The following THRB variants were observed in gnomAD, a reference collection of about 807,000 sequenced individuals.
The protein encoded by THRB is thyroid hormone receptor beta, also known as nuclear receptor subfamily 1 group A member 2.
In THRB, 12 loss-of-function variants were observed where a neutral mutation model predicts 47.8. The observed-to-expected ratio is 0.25, with a 90% CI of 0.16 to 0.41. The LOEUF (loss-of-function observed/expected upper bound fraction) is 0.41, where lower values mean the gene tolerates loss of function less well. Among genes scored for constraint, THRB ranks in the 10% least tolerant of loss-of-function variants. The pLI is 1.00. For missense variants in THRB, 348 were observed against 589.2 expected (o/e 0.59, Z 4.24); for synonymous variants, 218 against 212.2 (o/e 1.03, Z -0.24).
intron 1 of THRB, among the ~76,000 whole-genome samples, chr3:24,468,813 C>A (rs1319035257): frequency 1.3e-5 from 2 of 152,186 alleles, no homozygotes; most frequent in Non-Finnish European, 2.9e-5. Flanking sequence ...GATAAGTGAG[C>A]ATATGCTATT....
intron 3 of THRB, among the ~76,000 whole-genome samples, chr3:24,266,719 T>C (rs1317881929): frequency 1.3e-5 from 2 of 152,002 alleles, no homozygotes; most frequent in Non-Finnish European, 2.9e-5. Context: ...GTCCACAAAA[T>C]GTACTCAGTG....
intron 3 of THRB, among the ~76,000 whole-genome samples, chr3:24,295,571 TG>T (rs917355228): frequency 1.3e-5 from 2 of 152,264 alleles, no homozygotes; most frequent in Non-Finnish European, 2.9e-5. Context: ...AGGAGTTTTT[TG>T]CTTGCAAATT....
chr3:24,374,299 CTT>C (rs1213465422), intron 1 of THRB, among the ~76,000 whole-genome samples: 1 of 151,998 alleles, frequency 6.6e-6, no homozygotes, highest in Non-Finnish European at 1.5e-5. Context: ...TAAAGACAGA[CTT>C]ATACTCAAGA....
intron 4 of THRB, among the ~76,000 whole-genome samples, chr3:24,215,093 T>C (rs1002156147): frequency 1.3e-5 from 2 of 152,184 alleles, no homozygotes; most frequent in African/African-American, 4.8e-5. Flanking sequence ...ACAGCTTAGC[T>C]ATAGAGGGCA....
At chr3:24,413,403 G>A (rs543149449) in intron 1 of THRB, among the ~76,000 whole-genome samples, 2 of 151,294 alleles carry the variant, frequency 1.3e-5, no homozygotes, top group African/African-American at 4.8e-5. Flanking sequence ...AAATTCTTTG[G>A]GGATTAAAAA....
chr3:24,296,626 A>G (rs771875997), intron 3 of THRB, among the ~76,000 whole-genome samples: 3 of 152,226 alleles, frequency 2.0e-5, no homozygotes, highest in Admixed American at 6.5e-5. Flanking sequence ...GTACAGGAAC[A>G]AAAGTGCTGT....
At position 24,121,942 on chromosome 3, in the gene THRB, T is replaced by C. The variant is rs1253946349; in HGVS notation, c.*942A>G. 1 of 152,584 alleles carries C rather than the reference T, an allele frequency of 6.6e-6. No homozygotes were observed. Among genetic ancestry groups the C allele is most frequent in the Non-Finnish European group, 1.5e-5 (1 of 68,032 alleles). The allele number at this position is 152,584 out of a possible 1,614,324, so 9.5% of individuals were successfully genotyped here. A position where few individuals can be genotyped will look rare whatever the true frequency, so the allele number is the denominator to read the frequency against. On this transcript the variant is annotated 3_prime_UTR_variant, in exon 11 of 11. Transcript: ENST00000646209. The stretch of plus-strand genomic sequence containing the variant: ...ATCTTTCCTTGATTAGAATATTTGA[T>C]CCATAGAGAAATCTGTTGTCAGCTC...
At chr3:24,274,407 T>C (rs538241735) in intron 3 of THRB, among the ~76,000 whole-genome samples, 2 of 152,320 alleles carry the variant, frequency 1.3e-5, no homozygotes, top group East Asian at 1.9e-4. Flanking sequence ...GAAGAGCCTA[T>C]AGATTCATTT....
chr3:24,448,363 C>T (rs75041507), intron 1 of THRB, among the ~76,000 whole-genome samples: 234 of 152,208 alleles, frequency 1.5e-3, no homozygotes, highest in African/African-American at 5.4e-3. Context: ...GATTACTGCT[C>T]AACTCTGAGA....
chr3:24,356,506 T>A (rs962782112), intron 1 of THRB, among the ~76,000 whole-genome samples: 1 of 152,142 alleles, frequency 6.6e-6, no homozygotes, highest in African/African-American at 2.4e-5. Flanking sequence ...TTCTGTCCTG[T>A]TTTGTCTGTC....
intron 9 of THRB, among the ~76,000 whole-genome samples, chr3:24,129,744 G>C (rs1353506138): frequency 6.9e-6 from 1 of 144,390 alleles, no homozygotes; most frequent in Non-Finnish European, 1.5e-5. Context: ...TACTCCCACA[G>C]GTTCTTCCTG....
chr3:24,470,169 A>G (rs950566121), intron 1 of THRB, among the ~76,000 whole-genome samples: 6 of 152,210 alleles, frequency 3.9e-5, no homozygotes, highest in Admixed American at 3.3e-4. Flanking sequence ...TGAATATCAC[A>G]GAACTCTAAA....
rs1367557213 is a variant in THRB, at chr3:24,118,703, G to A, written c.*4181C>T. 2 of 152,582 alleles carry A rather than the reference G, an allele frequency of 1.3e-5. No individual in the cohort carries two copies. The highest frequency in any genetic ancestry group is 2.9e-5 in the Non-Finnish European group (2 of 68,036). 9.5% of individuals were successfully genotyped at this position (152,582 alleles called of 1,614,324 possible). On this transcript the variant is annotated 3_prime_UTR_variant, in exon 11 of 11. Coordinates refer to ENST00000646209, the MANE Select transcript of THRB (RefSeq NM_001354712.2). ...ATACATATGTAAAGTGTCTCCTTTT[G>A]TCTTACATTGTGCTCCATAATTTAC...
intron 10 of THRB, among the ~76,000 whole-genome samples, chr3:24,124,583 G>A (rs558146101): frequency 6.6e-6 from 1 of 152,294 alleles, no homozygotes; most frequent in East Asian, 1.9e-4. Context: ...CACTGAACAG[G>A]TTTATGAAGA....
At chr3:24,369,921 C>T (rs2064777386) in intron 1 of THRB, among the ~76,000 whole-genome samples, 1 of 152,138 alleles carries the variant, frequency 6.6e-6, no homozygotes, top group Admixed American at 6.6e-5. Context: ...ACTCTGGAAA[C>T]TAATGTGTGG....
intron 3 of THRB, among the ~76,000 whole-genome samples, chr3:24,247,453 G>T (rs993202475): frequency 2.6e-5 from 4 of 152,096 alleles, no homozygotes; most frequent in Admixed American, 1.3e-4. Context: ...TTTTACAGTT[G>T]GGGGAACTAA....
At chr3:24,396,675 G>C (rs2066988034) in intron 1 of THRB, among the ~76,000 whole-genome samples, 1 of 152,068 alleles carries the variant, frequency 6.6e-6, no homozygotes, top group Admixed American at 6.6e-5. Flanking sequence ...GTGTGTTTAG[G>C]CTTCCATGGC....
At chr3:24,190,772 C>A (rs1222292346) in intron 4 of THRB, among the ~76,000 whole-genome samples, 1 of 151,746 alleles carries the variant, frequency 6.6e-6, no homozygotes, top group Non-Finnish European at 1.5e-5. Context: ...TGGGTTTTAT[C>A]ACAAGCTGAC....
At chr3:24,347,419 C>A (rs900545246) in intron 1 of THRB, among the ~76,000 whole-genome samples, 4 of 149,232 alleles carry the variant, frequency 2.7e-5, no homozygotes, top group African/African-American at 1.0e-4. Flanking sequence ...ATTAGTAATA[C>A]AGAGAACAGA....
Sources: allele counts gnomAD v4.1 joint callset (sites outside exome capture counted in the v4.1 genomes callset), GRCh38; gene constraint gnomAD v4.1.1; transcripts MANE v1.5; gene names NCBI Gene and HGNC (gene_info 2026-07-23, HGNC 2026-07-21).